CACNA1B: variants seen among roughly 807,000 people sequenced by gnomAD.
CACNA1B encodes voltage-dependent N-type calcium channel subunit alpha-1B.
In CACNA1B, 70 loss-of-function variants were observed where a neutral mutation model predicts 247.2. That is an observed-to-expected ratio of 0.28 (90% CI 0.23 to 0.35). The LOEUF is 0.35. CACNA1B is among the 10% of genes least tolerant of loss of function. CACNA1B has a pLI of 1.00. For missense variants in CACNA1B, 2,367 were observed against 3,197.4 expected, an observed-to-expected ratio of 0.74 and a Z score of 6.26; for synonymous variants, 1,231 against 1,294.4, an observed-to-expected ratio of 0.95 and a Z score of 1.05.
chr9:138,028,019 C>T (rs909562404), intron 20 of CACNA1B, among the ~76,000 whole-genome samples: 1 of 147,690 alleles, frequency 6.8e-6, no homozygotes, highest in Admixed American at 6.7e-5. Flanking sequence ...CACTCCCCCC[C>T]AACCTTTTTT....
intron 36 of CACNA1B, among the ~76,000 whole-genome samples, chr9:138,081,916 AG>A (rs1960534481): frequency 6.6e-6 from 1 of 151,124 alleles, no homozygotes; most frequent in South Asian, 2.1e-4. Flanking sequence ...ATAATGGCAA[AG>A]GGACACTCTT....
intron 6 of CACNA1B, among the ~76,000 whole-genome samples, chr9:137,945,837 TTTA>T (rs1311739191): frequency 6.6e-6 from 1 of 152,150 alleles, no homozygotes; most frequent in Non-Finnish European, 1.5e-5. Context: ...TTTCTTTACT[TTTA>T]TTATTATTAT....
At chr9:137,976,551 C>A (rs1291319693) in intron 12 of CACNA1B, among the ~76,000 whole-genome samples, 2 of 152,052 alleles carry the variant, frequency 1.3e-5, no homozygotes, top group Non-Finnish European at 2.9e-5. Flanking sequence ...CCCAGCTTAC[C>A]ATGACAGTTG....
In CACNA1B at chr9:137,986,435, C is replaced by G; in HGVS notation, c.1792C>G (p.Leu598Val). 1 of 1,613,896 alleles carries G rather than the reference C, an allele frequency of 6.2e-7. No individual in the cohort carries two copies. The highest frequency in any genetic ancestry group is 2.2e-5 in the East Asian group (1 of 44,864). Residue 598 changes from leucine (L) to valine (V), a missense_variant, in exon 14 of 47, where the codon CTG becomes GTG. Coordinates refer to ENST00000371372, the MANE Select transcript of CACNA1B (RefSeq NM_000718.4). This position sits in a 1 kb window ranked among gnomAD's most constrained non-coding sequence, Gnocchi z 6.0. ...VTKYWSSLRN[L>V]VVSLLNSMKS... ...CAGGTACTGGAGCTCCCTGCGGAAC[C>G]TGGTGGTGTCCCTGCTGAACTCCAT...
chr9:137,944,820 G>C (rs1957775163), intron 6 of CACNA1B, among the ~76,000 whole-genome samples: 1 of 152,206 alleles, frequency 6.6e-6, no homozygotes, highest in South Asian at 2.1e-4. Context: ...AATATGAGGA[G>C]GACTTAGCTG....
chr9:138,076,932 C>T (rs1198890370), intron 35 of CACNA1B, among the ~76,000 whole-genome samples: 1 of 152,256 alleles, frequency 6.6e-6, no homozygotes, highest in East Asian at 1.9e-4. Context: ...CTTAGGCTGA[C>T]ACTGTCCCCA....
chr9:138,027,636 C>A (rs1288538758), intron 20 of CACNA1B, among the ~76,000 whole-genome samples: 1 of 152,060 alleles, frequency 6.6e-6, no homozygotes, highest in African/African-American at 2.4e-5. Context: ...GTTCCTACTT[C>A]AGTAAGTGTT....
At chr9:138,111,729 G>GAA (rs1307783932) in intron 39 of CACNA1B, among the ~76,000 whole-genome samples, 54 of 150,760 alleles carry the variant, frequency 3.6e-4, no homozygotes, top group African/African-American at 1.3e-3. Flanking sequence ...TAACCCTCCT[G>GAA]CCCACCCCTC....
In CACNA1B at chr9:137,957,755, C is replaced by T. The variant is rs543766397; in HGVS notation, c.1333+68C>T. On this transcript the variant is annotated intron_variant, in intron 10 of 46. Transcript: ENST00000371372. The surrounding 1 kb of genome is among the most constrained non-coding windows in gnomAD (Gnocchi z 4.7). ...GGACATGGAGTGCATGCTCCGCTTC[C>T]CCTGCTACCCAGCCACTGTTGGACG... 3.5e-6 allele frequency: 4 copies of T among 1,129,262 alleles called. No homozygotes were observed. The highest frequency in any genetic ancestry group is 1.6e-5 in the South Asian group (1 of 62,796). The allele number at this position is 1,129,262 out of a possible 1,614,324, so 70.0% of individuals were successfully genotyped here.
chr9:138,044,736 C>T (rs979473549), intron 21 of CACNA1B, among the ~76,000 whole-genome samples: 4 of 152,214 alleles, frequency 2.6e-5, no homozygotes, highest in Non-Finnish European at 5.9e-5. Context: ...GCTGCATGGA[C>T]GTACCCCTGT....
chr9:138,069,753 T>C lies in CACNA1B; in HGVS notation c.4669-5T>C, dbSNP rs1451298183. The C allele has an allele frequency of 6.2e-7, 1 of 1,609,140 alleles. No homozygotes were observed. The highest frequency in any genetic ancestry group is 8.5e-7 in the Non-Finnish European group (1 of 1,175,540). ...AATATCCATCCATGAAAACATCACA[T>C]GTAGGAAACGGTTGGTTTCACGACT... On this transcript the variant is annotated splice_polypyrimidine_tract_variant and splice_region_variant and intron_variant, in intron 31 of 46. Transcript: ENST00000371372.
rs11137322 is a variant in CACNA1B, at chr9:137,953,993, C to T, written c.1070+1616C>T. On this transcript the variant is annotated intron_variant, in intron 7 of 46. Transcript: ENST00000371372. ...GCCTGCTCAGGGCTTCCTTCTGCAT[C>T]CCTCTAGGGAATGTGCAGAATAGCC... Among the ~76,000 whole-genome samples, 1,310 of 152,230 alleles carry T rather than the reference C, an allele frequency of 8.6e-3. 74 individuals are homozygous for T. In the East Asian group the frequency reaches 0.15, roughly 18 times the overall value.
chr9:137,967,531 C>T (rs913337510), intron 10 of CACNA1B, among the ~76,000 whole-genome samples: 2 of 152,206 alleles, frequency 1.3e-5, no homozygotes, highest in African/African-American at 4.8e-5. Context: ...CACTGCAGGA[C>T]TGTCTCCTCC....
Position 138,017,931 on chromosome 9 carries a change from TGGCCA to T in CACNA1B, c.2267+4699_2267+4703del, listed in dbSNP as rs1462689056. Among the ~76,000 whole-genome samples the T allele has an allele frequency of 3.6e-3, 436 of 121,526 alleles. 12 individuals carry two copies. Among genetic ancestry groups the T allele is most frequent in the African/African-American group, 0.015 (398 of 26,170 alleles). The allele number at this position is 121,526 out of a possible 152,430, so 79.7% of individuals were successfully genotyped here. A position where few individuals can be genotyped will look rare whatever the true frequency, so the allele number is the denominator to read the frequency against. ...GTTAGGCCACCTGCCCTGATGGAAG[TGGCCA>T]GGTGCAGTTAGGCCACCTGCCCTGA... On this transcript the variant is annotated intron_variant, in intron 18 of 46. Transcript: ENST00000371372.
At chr9:138,003,380 C>G (rs1192495959) in intron 15 of CACNA1B, among the ~76,000 whole-genome samples, 1 of 151,622 alleles carries the variant, frequency 6.6e-6, no homozygotes, top group Admixed American at 6.6e-5. Context: ...ACTATGTTGC[C>G]CAGGCTGGTC....
At chr9:138,105,903 G>C in intron 39 of CACNA1B, 96 bp downstream of exon 39, 1 of 724,964 alleles carries the variant, frequency 1.4e-6, no homozygotes, top group Admixed American at 2.1e-5. Flanking sequence ...GGAGGAGGGT[G>C]AGGGGCCAGC....
chr9:138,038,126 T>C (rs1459511894), intron 20 of CACNA1B, among the ~76,000 whole-genome samples: 2 of 152,246 alleles, frequency 1.3e-5, no homozygotes, highest in Non-Finnish European at 2.9e-5. Context: ...CAGTGAGAGC[T>C]AGAAGAAAAT....
rs942966341 is a variant in CACNA1B at position 137,973,889 on chromosome 9, T to G, written c.1544-2018T>G. 6.6e-6 allele frequency among the ~76,000 whole-genome samples: 1 copy of G among 152,192 alleles called. No homozygotes were observed. The highest frequency in any genetic ancestry group is 2.4e-5 in the African/African-American group (1 of 41,432). On this transcript the variant is annotated intron_variant, in intron 11 of 46. Coordinates refer to ENST00000371372, the MANE Select transcript of CACNA1B (RefSeq NM_000718.4). The surrounding 1 kb of genome is among the most constrained non-coding windows in gnomAD (Gnocchi z 4.1). ...AAAGTTTTACCGTTTGCATTTCTTG[T>G]ACTTGTTCCTTGCAAAGTGCTCTCA...
intron 36 of CACNA1B, among the ~76,000 whole-genome samples, chr9:138,095,564 TA>T (rs961147933): frequency 9.9e-5 from 15 of 151,130 alleles, no homozygotes; most frequent in Admixed American, 3.3e-4. Context: ...TGGCAGTTCC[TA>T]AAAAAAAATG....
Sources: allele counts gnomAD v4.1 joint callset (sites outside exome capture counted in the v4.1 genomes callset), GRCh38; gene constraint gnomAD v4.1.1; non-coding constraint Gnocchi (gnomAD v3.1); transcripts MANE v1.5; gene names NCBI Gene and HGNC (gene_info 2026-07-23, HGNC 2026-07-21).